TUBGCP2: variants seen among roughly 807,000 people sequenced by gnomAD.
TUBGCP2 encodes the protein tubulin gamma complex component 2.
A neutral mutation model predicts 92.2 loss-of-function variants in TUBGCP2; 55 were observed. The observed-to-expected ratio is 0.60, with a 90% CI of 0.48 to 0.75. The LOEUF is 0.75. Ranked by LOEUF, TUBGCP2 falls within the 30% of genes least tolerant of loss-of-function variation. The pLI is 0.00. For missense variants in TUBGCP2, 1,093 were observed against 1,188.9 expected (o/e 0.92, Z 1.19); for synonymous variants, 533 against 505.2 (o/e 1.06, Z -0.74).
At chr10:133,310,319 G>T (rs1305984655), upstream of TUBGCP2, 1 of 1,611,744 alleles carries the variant, frequency 6.2e-7, no homozygotes, top group Admixed American at 1.7e-5. Flanking sequence ...GCACGTGTCT[G>T]CTTTTGATTT....
chr10:133,284,260 C>T (rs552020767), intron 13 of TUBGCP2, among the ~76,000 whole-genome samples: 10 of 152,358 alleles, frequency 6.6e-5, no homozygotes, highest in South Asian at 6.2e-4. Flanking sequence ...GAGACTGGGA[C>T]GCGGGCTCCT....
chr10:133,312,152 C>CGTTT, upstream of TUBGCP2: 1 of 1,433,668 alleles, frequency 7.0e-7, no homozygotes, highest in Non-Finnish European at 9.1e-7. Context: ...CAGGCGTCTG[C>CGTTT]CTTAATAGCA....
chr10:133,279,617 C>T lies in TUBGCP2; in HGVS notation c.*149G>A, dbSNP rs1270259238. 23 of 1,252,888 alleles carry T rather than the reference C, an allele frequency of 1.8e-5. No individual in the cohort carries two copies. The highest frequency in any genetic ancestry group is 1.9e-4 in the Middle Eastern group (1 of 5,184). 77.6% of individuals were successfully genotyped at this position (1,252,888 alleles called of 1,614,324 possible). Reference sequence around the variant, plus strand: ...GCTTCTATAAAACGAAACCCAGCGCCTTGAGAAACAAAGTGAGCTGAGTCA... The same window carrying T: ...GCTTCTATAAAACGAAACCCAGCGCTTTGAGAAACAAAGTGAGCTGAGTCA... On this transcript the variant is annotated 3_prime_UTR_variant, in exon 18 of 18. Transcript: ENST00000252936.
chr10:133,288,104 G>A (rs752124106), intron 11 of TUBGCP2, 25 bp downstream of exon 11: 4 of 1,600,806 alleles, frequency 2.5e-6, no homozygotes, highest in Non-Finnish European at 3.4e-6. Flanking sequence ...TGCCACAGGG[G>A]ACAGCCCCCG....
Position 133,298,049 on chromosome 10 carries a change from G to C in TUBGCP2, c.519C>G (p.His173Gln), listed in dbSNP as rs1847531224. Reference protein sequence around the residue: ...DKQNKKNSGQHLPIFPAWVYE... With the variant: ...DKQNKKNSGQQLPIFPAWVYE... ...ACACCCATGCTGGGAAGATGGGGAGGTGCTGGCCTGAATTTTTTTTGTTCT... is the reference window on the plus strand; with the variant it reads ...ACACCCATGCTGGGAAGATGGGGAGCTGCTGGCCTGAATTTTTTTTGTTCT... The change falls in exon 5 of 18, where the codon CAC becomes CAG. Residue 173 changes from histidine to glutamine, a missense_variant. By Grantham distance (24) the His-to-Gln change is conservative. Transcript: ENST00000252936. The C allele has an allele frequency of 3.1e-6, 5 of 1,614,202 alleles. No individual in the cohort carries two copies. Among genetic ancestry groups the C allele is most frequent in the Admixed American group, 1.7e-5 (1 of 60,034 alleles).
chr10:133,278,799 C>A lies in TUBGCP2; in HGVS notation c.*967G>T, dbSNP rs1846888181. 6.6e-6 allele frequency: 1 copy of A among 152,300 alleles called. No homozygotes were observed. The highest frequency in any genetic ancestry group is 2.1e-4 in the South Asian group (1 of 4,836). The allele number at this position is 152,300 out of a possible 1,614,324, so 9.4% of individuals were successfully genotyped here. ...CCACAACCCTTGTTCCCCGCAGGAT[C>A]CTGTTCTAGCTATCCTTTCTCCCAA... On this transcript the variant is annotated 3_prime_UTR_variant, in exon 18 of 18. Transcript: ENST00000252936.
At chr10:133,310,373 C>T (rs931121063), upstream of TUBGCP2, 25 of 1,550,236 alleles carry the variant, frequency 1.6e-5, no homozygotes, top group Non-Finnish European at 2.0e-5. Flanking sequence ...GACGGTCAGA[C>T]TTATTAAGCA....
At chr10:133,303,314 C>T (rs1221600571) in intron 1 of TUBGCP2, among the ~76,000 whole-genome samples, 1 of 152,260 alleles carries the variant, frequency 6.6e-6, no homozygotes, top group Non-Finnish European at 1.5e-5. Context: ...CCCCAGCAGC[C>T]TCTCAGAGGG....
At chr10:133,289,714 G>C in intron 9 of TUBGCP2, 110 bp downstream of exon 9, 2 of 1,302,006 alleles carry the variant, frequency 1.5e-6, no homozygotes, top group Non-Finnish European at 2.1e-6. Context: ...CCAGGGCTCA[G>C]GGCAACCACA....
chr10:133,284,945 C>G (rs188908558), intron 13 of TUBGCP2, 140 bp downstream of exon 13: 1 of 1,299,876 alleles, frequency 7.7e-7, no homozygotes, highest in Non-Finnish European at 1.0e-6. Flanking sequence ...TCTAAAGCCA[C>G]CAACGTGCGC....
chr10:133,298,892 A>G (rs1324092253), intron 4 of TUBGCP2, among the ~76,000 whole-genome samples: 2 of 152,366 alleles, frequency 1.3e-5, no homozygotes, highest in East Asian at 3.9e-4. Flanking sequence ...ACACAGCTCC[A>G]AAGGGAGTTT....
intron 1 of TUBGCP2, among the ~76,000 whole-genome samples, chr10:133,303,759 G>C (rs1241597475): frequency 1.3e-5 from 2 of 152,132 alleles, no homozygotes; most frequent in South Asian, 2.1e-4. Flanking sequence ...GCTACCGACA[G>C]AGACGCTTCT....
intron 1 of TUBGCP2, among the ~76,000 whole-genome samples, 199 bp from the exon 2 acceptor site, chr10:133,303,179 C>G (rs1408983292): frequency 1.3e-5 from 2 of 152,010 alleles, no homozygotes; most frequent in East Asian, 3.9e-4. Context: ...GGGCCCCTGC[C>G]CAACACCCCA....
intron 5 of TUBGCP2, among the ~76,000 whole-genome samples, chr10:133,296,307 C>T (rs1336555943): frequency 1.3e-5 from 2 of 152,150 alleles, no homozygotes; most frequent in Non-Finnish European, 2.9e-5. Context: ...AGCAGGGCCC[C>T]GCGCTTCCTT....
At chr10:133,307,958 G>A (rs545927659) in intron 1 of TUBGCP2, among the ~76,000 whole-genome samples, 1 of 152,254 alleles carries the variant, frequency 6.6e-6, no homozygotes, top group East Asian at 1.9e-4. Context: ...CATGGAAAAA[G>A]TACAGGGGCA....
At chr10:133,310,499 G>C (rs1327051654), upstream of TUBGCP2, 4 of 617,646 alleles carry the variant, frequency 6.5e-6, no homozygotes, top group Non-Finnish European at 1.1e-5. Context: ...GGGAGCCCCT[G>C]GCTGCCCAGC....
chr10:133,284,465 C>A (rs1169864916), intron 13 of TUBGCP2, among the ~76,000 whole-genome samples: 1 of 152,220 alleles, frequency 6.6e-6, no homozygotes, highest in African/African-American at 2.4e-5. Context: ...TGGACTCAAG[C>A]AACCCTCCCA....
chr10:133,291,983 C>T (rs149248509), intron 8 of TUBGCP2, among the ~76,000 whole-genome samples: 147 of 14,452 alleles, frequency 0.01, 25 homozygotes, highest in Middle Eastern at 0.056. Flanking sequence ...CCTACCTGTA[C>T]GGGAGAGGGC....
At chr10:133,286,375 G>C (rs1167319189) in intron 11 of TUBGCP2, among the ~76,000 whole-genome samples, 2 of 152,166 alleles carry the variant, frequency 1.3e-5, no homozygotes, top group African/African-American at 4.8e-5. Context: ...AAATATTCCT[G>C]CTCCTAACAA....
Sources: gnomAD v4.1 joint callset for allele counts (sites outside exome capture counted in the v4.1 genomes callset) on GRCh38, gnomAD v4.1.1 for gene constraint, MANE v1.5 for transcripts, NCBI Gene and HGNC (gene_info 2026-07-23, HGNC 2026-07-21) for gene names.